The following AMPH variants were observed in gnomAD, a reference collection of about 807,000 sequenced individuals.
AMPH encodes amphiphysin.
AMPH carries 49 observed loss-of-function variants against 99.1 expected under a neutral mutation model. The ratio of observed to expected loss-of-function variants is 0.49; its 90% CI spans 0.39 to 0.63. The LOEUF is 0.63. AMPH is among the 20% of genes least tolerant of loss of function. The probability of loss-of-function intolerance (pLI) is 0.00; values close to 1 mark genes in which losing one functional copy is unlikely to be tolerated. For synonymous variants in AMPH, 314 were observed against 317.3 expected (o/e 0.99, Z 0.11); for missense variants, 759 against 863.4 (o/e 0.88, Z 1.52).
intron 17 of AMPH, among the ~76,000 whole-genome samples, chr7:38,398,760 T>C (rs1784758191): frequency 6.6e-6 from 1 of 152,196 alleles, no homozygotes; most frequent in Non-Finnish European, 1.5e-5. Context: ...CCTGAGGTAA[T>C]TACTACATGT....
chr7:38,444,957 A>C (rs562759486), intron 11 of AMPH, among the ~76,000 whole-genome samples: 1 of 148,774 alleles, frequency 6.7e-6, no homozygotes, highest in Non-Finnish European at 1.5e-5. Flanking sequence ...TCAATGGATA[A>C]TCACATGGTC....
intron 14 of AMPH, 200 bp downstream of exon 14, chr7:38,429,642 A>G: frequency 7.1e-7 from 1 of 1,400,376 alleles, no homozygotes; most frequent in East Asian, 2.5e-5. Context: ...GAACATGGTA[A>G]GATTTGATGA....
intron 17 of AMPH, among the ~76,000 whole-genome samples, chr7:38,415,626 G>A (rs940388525): frequency 6.6e-6 from 1 of 152,108 alleles, no homozygotes; most frequent in African/African-American, 2.4e-5. Context: ...GGGAGAACGA[G>A]GGGAAAAATT....
chr7:38,553,521 C>T (rs1540480), intron 1 of AMPH, among the ~76,000 whole-genome samples: 64,817 of 151,926 alleles, frequency 0.43, 13,899 homozygotes, highest in South Asian at 0.49. Flanking sequence ...ACTGAGGGAT[C>T]ACACGTGCCA....
intron 1 of AMPH, among the ~76,000 whole-genome samples, chr7:38,594,942 G>A (rs1792997566): frequency 1.3e-5 from 2 of 152,134 alleles, no homozygotes; most frequent in Non-Finnish European, 2.9e-5. Flanking sequence ...AAAACAAGGG[G>A]GGGAAAGAAT....
chr7:38,457,628 T>C (rs1787283300), intron 11 of AMPH, among the ~76,000 whole-genome samples: 1 of 152,172 alleles, frequency 6.6e-6, no homozygotes, highest in African/African-American at 2.4e-5. Context: ...GGCTAGAAAA[T>C]CTATTTAATG....
At chr7:38,578,084 C>T (rs923215412) in intron 1 of AMPH, among the ~76,000 whole-genome samples, 27 of 152,198 alleles carry the variant, frequency 1.8e-4, no homozygotes, top group African/African-American at 4.6e-4. Context: ...CACTGCCACA[C>T]ACTTATAGGT....
At chr7:38,500,982 T>C (rs1789116169) in intron 3 of AMPH, among the ~76,000 whole-genome samples, 1 of 152,174 alleles carries the variant, frequency 6.6e-6, no homozygotes, top group Admixed American at 6.5e-5. Context: ...AAAGTAATAG[T>C]AGTAGGTTGC....
rs1787515522 is a variant in AMPH at position 38,463,076 on chromosome 7, G to T, written c.787C>A (p.Pro263Thr). ...GPLRIAKTPSPPEEPSPLPSP... is the reference protein window; with the variant it reads ...GPLRIAKTPSTPEEPSPLPSP... Reference sequence around the variant, plus strand: ...GGGAGGGGTGAAGGCTCCTCAGGCGGTGATGGTGTCTTTGCAATGCGGAGA... The same window carrying T: ...GGGAGGGGTGAAGGCTCCTCAGGCGTTGATGGTGTCTTTGCAATGCGGAGA... Residue 263 changes from proline to threonine, a missense_variant, in exon 10 of 21, where the codon CCG (proline) becomes ACG (threonine). This residue lies in a region of AMPH where 554 missense variants were observed against 575.6 expected (regional missense o/e 0.96). Coordinates refer to ENST00000356264, the MANE Select transcript of AMPH (RefSeq NM_001635.4). The T allele has an allele frequency of 6.2e-7, 1 of 1,613,050 alleles. No individual in the cohort carries two copies. Among genetic ancestry groups the T allele is most frequent in the Non-Finnish European group, 8.5e-7 (1 of 1,179,418 alleles).
chr7:38,608,664 A>C (rs1211775010), intron 1 of AMPH, among the ~76,000 whole-genome samples: 1 of 152,176 alleles, frequency 6.6e-6, no homozygotes, highest in Non-Finnish European at 1.5e-5. Context: ...AATAATCAAT[A>C]CTGACATCAA....
chr7:38,395,234 T>A (rs1279903393), intron 17 of AMPH, among the ~76,000 whole-genome samples: 1 of 144,762 alleles, frequency 6.9e-6, no homozygotes, highest in Non-Finnish European at 1.5e-5. Context: ...GAAAAAAAAA[T>A]ACATAAGGAA....
At chr7:38,501,610 C>A (rs967408393) in intron 3 of AMPH, among the ~76,000 whole-genome samples, 3 of 151,962 alleles carry the variant, frequency 2.0e-5, no homozygotes, top group Non-Finnish European at 2.9e-5. Context: ...GTTTAAAAAT[C>A]AATTTTGCTA....
intron 11 of AMPH, among the ~76,000 whole-genome samples, chr7:38,436,914 T>C (rs1786288854): frequency 6.6e-6 from 1 of 152,182 alleles, no homozygotes; most frequent in Admixed American, 6.5e-5. Context: ...CTTGATTTGG[T>C]TATCATTTGA....
chr7:38,571,080 TATATTCATATATTGAATATATATATTC>T (rs1316479492), intron 1 of AMPH, among the ~76,000 whole-genome samples: 1,115 of 49,896 alleles, frequency 0.022, 181 homozygotes, highest in East Asian at 0.06. Context: ...ATAGAATATA[TATATTCATATATTGAATATATATATTC>T]ATATATACAG....
intron 1 of AMPH, among the ~76,000 whole-genome samples, chr7:38,545,465 A>G (rs1253114478): frequency 6.6e-6 from 1 of 152,144 alleles, no homozygotes; most frequent in Non-Finnish European, 1.5e-5. Flanking sequence ...TTTTGGTGGA[A>G]AGAATAGTGT....
chr7:38,597,470 T>C (rs867631432), intron 1 of AMPH, among the ~76,000 whole-genome samples: 35 of 152,232 alleles, frequency 2.3e-4, no homozygotes, highest in African/African-American at 4.6e-4. Context: ...TGTTATACAG[T>C]CAAATATGAA....
chr7:38,618,004 T>G (rs373726220), intron 1 of AMPH, among the ~76,000 whole-genome samples: 305 of 152,240 alleles, frequency 2.0e-3, no homozygotes, highest in African/African-American at 7.1e-3. Context: ...TTAGCTGGAG[T>G]TATGCTTAAT....
At chr7:38,611,388 A>AAC (rs1793674452) in intron 1 of AMPH, among the ~76,000 whole-genome samples, 1 of 152,218 alleles carries the variant, frequency 6.6e-6, no homozygotes, top group African/African-American at 2.4e-5. Context: ...TCTGCTGTCC[A>AAC]ACACTGTACC....
intron 2 of AMPH, among the ~76,000 whole-genome samples, chr7:38,519,313 C>A (rs1401218380): frequency 6.6e-6 from 1 of 152,178 alleles, no homozygotes; most frequent in Non-Finnish European, 1.5e-5. Context: ...CACCAATTCA[C>A]TTATAGAATA....
Sources: allele counts gnomAD v4.1 joint callset (sites outside exome capture counted in the v4.1 genomes callset), GRCh38; gene constraint gnomAD v4.1.1; regional missense constraint gnomAD v4.1.1; transcripts MANE v1.5; gene names NCBI Gene and HGNC (gene_info 2026-07-23, HGNC 2026-07-21).